MIS12: variants seen among roughly 807,000 people sequenced by gnomAD.
The protein encoded by MIS12 is protein MIS12 homolog.
A neutral mutation model predicts 16.5 loss-of-function variants in MIS12; 13 were observed. The ratio of observed to expected loss-of-function variants is 0.79; its 90% CI spans 0.51 to 1.25. The LOEUF is 1.25. Among genes scored for constraint, MIS12 ranks in the 50% most tolerant of loss-of-function variants. The pLI, the probability that MIS12 is intolerant of heterozygous loss-of-function variation, is 0.00. For missense variants in MIS12, 199 were observed against 239.5 expected (o/e 0.83, Z 1.12); for synonymous variants, 97 against 87.3 (o/e 1.11, Z -0.62).
rs1321155812 is a variant in MIS12, at chr17:5,488,893, C to T, written c.31C>T (p.Gln11Ter). The change falls in exon 3 of 3, where the codon CAG becomes TAG. Residue 11 changes from glutamine to a stop codon, truncating the protein, a stop_gained. Transcript: ENST00000611091. LOFTEE classifies it high-confidence loss of function. MSVDPMTYEA[Q>*]FFGFTPQTCM... ...TGTGGATCCAATGACCTACGAGGCCCAGTTCTTTGGCTTCACGCCACAAAC... is the reference window on the plus strand; with the variant it reads ...TGTGGATCCAATGACCTACGAGGCCTAGTTCTTTGGCTTCACGCCACAAAC... The T allele has an allele frequency of 6.2e-7, 1 of 1,613,986 alleles. No homozygotes were observed. Among genetic ancestry groups the T allele is most frequent in the African/African-American group, 1.3e-5 (1 of 74,906 alleles).
Position 5,489,307 on chromosome 17 carries a change from C to T in MIS12, c.445C>T (p.Gln149Ter), listed in dbSNP as rs1906610132. 6.2e-7 allele frequency: 1 copy of T among 1,613,878 alleles called. No homozygotes were observed. The highest frequency in any genetic ancestry group is 1.7e-5 in the Admixed American group (1 of 59,986). The change falls in exon 3 of 3, where the codon CAG (glutamine) becomes TAG (stop). Residue 149 changes from glutamine (Q) to a stop codon, truncating the protein, a stop_gained. Transcript: ENST00000611091. LOFTEE classifies it high-confidence loss of function. ...AGAATTAGAAGAGCAAAAAATTGTTCAGGCCAAACTCAAACAGACGTTGAC... is the reference window on the plus strand; with the variant it reads ...AGAATTAGAAGAGCAAAAAATTGTTTAGGCCAAACTCAAACAGACGTTGAC... ...LAELEEQKIV[Q>*]AKLKQTLTFF...
intron 1 of MIS12, chr17:5,487,045 AG>A (rs1906392667): frequency 6.6e-6 from 1 of 152,300 alleles, no homozygotes; most frequent in African/African-American, 2.4e-5. Context: ...GAAGTTCATC[AG>A]TCAGTGCCCG....
Position 5,489,631 on chromosome 17 carries a change from G to A in MIS12, c.*151G>A. 4.2e-6 allele frequency: 4 copies of A among 944,146 alleles called. No individual in the cohort carries two copies. The highest frequency in any genetic ancestry group is 4.6e-6 in the Non-Finnish European group (3 of 654,884). The allele number at this position is 944,146 out of a possible 1,614,324, so 58.5% of individuals were successfully genotyped here. A position where few individuals can be genotyped will look rare whatever the true frequency, so the allele number is the denominator to read the frequency against. ...TTGTCAACTCTTTCTTGTATTCTGT[G>A]TTTTCCTCTTTTTTGGTCCACTTTG... is the stretch of plus-strand genomic sequence containing the variant. On this transcript the variant is annotated 3_prime_UTR_variant, in exon 3 of 3. Coordinates refer to ENST00000611091, the MANE Select transcript of MIS12 (RefSeq NM_001258217.2).
At chr17:5,486,981 C>T (rs538145178) in intron 1 of MIS12, 2 of 152,370 alleles carry the variant, frequency 1.3e-5, no homozygotes, top group East Asian at 1.9e-4. Context: ...CTGATCAAGC[C>T]GCATTTATTC....
Position 5,489,615 on chromosome 17 carries a change from C to T in MIS12, c.*135C>T. 1 of 1,037,704 alleles carries T rather than the reference C, an allele frequency of 9.6e-7. No homozygotes were observed. Among genetic ancestry groups the T allele is most frequent in the Non-Finnish European group, 1.4e-6 (1 of 733,964 alleles). The allele number at this position is 1,037,704 out of a possible 1,614,324, so 64.3% of individuals were successfully genotyped here. A position where few individuals can be genotyped will look rare whatever the true frequency, so the allele number is the denominator to read the frequency against. ...TTTTATTAGATTTGCTTTGTCAACT[C>T]TTTCTTGTATTCTGTGTTTTCCTCT... On this transcript the variant is annotated 3_prime_UTR_variant, in exon 3 of 3. Coordinates refer to ENST00000611091, the MANE Select transcript of MIS12 (RefSeq NM_001258217.2).
rs1906681948 is a variant in MIS12, at chr17:5,490,171, A to C, written c.*691A>C. The C allele has an allele frequency of 6.0e-6, 1 of 167,116 alleles. No individual in the cohort carries two copies. Among genetic ancestry groups the C allele is most frequent in the Non-Finnish European group, 1.5e-5 (1 of 68,138 alleles). 10.4% of individuals were successfully genotyped at this position (167,116 alleles called of 1,614,324 possible). On this transcript the variant is annotated 3_prime_UTR_variant, in exon 3 of 3. Coordinates refer to ENST00000611091, the MANE Select transcript of MIS12 (RefSeq NM_001258217.2). Reference sequence around the variant, plus strand: ...TGAATTTTCTTTCATGAGGGAGTCAATATGTAGTGGAAAGAAGCATGTAGC... The same window carrying C: ...TGAATTTTCTTTCATGAGGGAGTCACTATGTAGTGGAAAGAAGCATGTAGC...
At chr17:5,488,782 T>C (rs577444942) in intron 2 of MIS12, 41 bp from the exon 3 acceptor site, 2 of 1,477,486 alleles carry the variant, frequency 1.4e-6, no homozygotes, top group African/African-American at 2.8e-5. Flanking sequence ...TGCAGAAGAT[T>C]TTTTTTTTCC....
Position 5,489,173 on chromosome 17 carries a change from G to A in MIS12, c.311G>A (p.Cys104Tyr), listed in dbSNP as rs112722370. The change falls in exon 3 of 3, where the codon TGT becomes TAT. Residue 104 changes from cysteine (C) to tyrosine (Y), a missense_variant. Physicochemically the swap from Cys to Tyr is radical, Grantham distance 194. Coordinates refer to ENST00000611091, the MANE Select transcript of MIS12 (RefSeq NM_001258217.2). Reference protein sequence around the residue: ...PSNILLPEDKCKETPYSEEDF... With the variant: ...PSNILLPEDKYKETPYSEEDF... ...AACATCTTGCTTCCTGAAGATAAAT[G>A]TAAGGAGACACCTTATAGTGAGGAA... 4 of 1,614,214 alleles carry A rather than the reference G, an allele frequency of 2.5e-6. No homozygotes were observed. The Admixed American group carries it at 6.7e-5, about 27-fold the overall frequency.
Position 5,489,226 on chromosome 17 carries a change from G to C in MIS12, c.364G>C (p.Glu122Gln), listed in dbSNP as rs1454532147. 6.2e-7 allele frequency: 1 copy of C among 1,614,112 alleles called. No homozygotes were observed. Residue 122 changes from glutamate (E) to glutamine (Q), a missense_variant, in exon 3 of 3, where the codon GAA (glutamate) becomes CAA (glutamine). Coordinates refer to ENST00000611091, the MANE Select transcript of MIS12 (RefSeq NM_001258217.2). ...EDFQHLQKEI[E>Q]QLQEKYKTEL... is the part of the protein sequence containing the mutation. ...TTTTCAGCATCTCCAGAAAGAAATT[G>C]AACAGTTACAGGAGAAGTACAAGAC... is the stretch of plus-strand genomic sequence containing the variant.
Position 5,489,548 on chromosome 17 carries a change from A to T in MIS12, c.*68A>T. On this transcript the variant is annotated 3_prime_UTR_variant, in exon 3 of 3. Transcript: ENST00000611091. Reference sequence around the variant, plus strand: ...CATAAGGACTGTTCAAACCATAAGGACTGTTCAAATCATACCAGTGACTGT... The same window carrying T: ...CATAAGGACTGTTCAAACCATAAGGTCTGTTCAAATCATACCAGTGACTGT... 6.7e-7 allele frequency: 1 copy of T among 1,482,466 alleles called. No homozygotes were observed. Among genetic ancestry groups the T allele is most frequent in the Non-Finnish European group, 9.0e-7 (1 of 1,106,304 alleles). 91.8% of individuals were successfully genotyped at this position (1,482,466 alleles called of 1,614,324 possible).
chr17:5,487,870 C>T (rs537885202), intron 1 of MIS12, among the ~76,000 whole-genome samples: 1 of 152,276 alleles, frequency 6.6e-6, no homozygotes, highest in Non-Finnish European at 1.5e-5. Context: ...ATCTTATCTT[C>T]CCATAAGATT....
At chr17:5,486,421 G>C (rs1906322616), upstream of MIS12, 2 of 437,018 alleles carry the variant, frequency 4.6e-6, no homozygotes, top group Admixed American at 3.8e-5. Flanking sequence ...GGAAAAACGA[G>C]TAAGTACAGG....
rs1212397846 is a variant in MIS12, at chr17:5,490,537, A to T, written c.*1057A>T. The T allele has an allele frequency of 6.0e-6, 1 of 167,110 alleles. No individual in the cohort carries two copies. Among genetic ancestry groups the T allele is most frequent in the Non-Finnish European group, 1.5e-5 (1 of 68,120 alleles). The allele number at this position is 167,110 out of a possible 1,614,324, so 10.4% of individuals were successfully genotyped here. A position where few individuals can be genotyped will look rare whatever the true frequency, so the allele number is the denominator to read the frequency against. ...GAAATTTGTGTTTAAACTCAATGGA[A>T]TCTAATATTTCTTTATGTCGTTAGT... On this transcript the variant is annotated 3_prime_UTR_variant, in exon 3 of 3. Coordinates refer to ENST00000611091, the MANE Select transcript of MIS12 (RefSeq NM_001258217.2).
chr17:5,489,551 G>T lies in MIS12; in HGVS notation c.*71G>T. 6.9e-7 allele frequency: 1 copy of T among 1,457,492 alleles called. No individual in the cohort carries two copies. Among genetic ancestry groups the T allele is most frequent in the Non-Finnish European group, 9.2e-7 (1 of 1,087,150 alleles). 90.3% of individuals were successfully genotyped at this position (1,457,492 alleles called of 1,614,324 possible). On this transcript the variant is annotated 3_prime_UTR_variant, in exon 3 of 3. Transcript: ENST00000611091. ...AAGGACTGTTCAAACCATAAGGACT[G>T]TTCAAATCATACCAGTGACTGTTCA...
chr17:5,489,588 CT>C lies in MIS12; in HGVS notation c.*113del. The C allele has an allele frequency of 8.1e-7, 1 of 1,228,826 alleles. No homozygotes were observed. Among genetic ancestry groups the C allele is most frequent in the Non-Finnish European group, 1.1e-6 (1 of 899,492 alleles). 76.1% of individuals were successfully genotyped at this position (1,228,826 alleles called of 1,614,324 possible). ...CCAGTGACTGTTCAAACCAACCATA[CT>C]TTTTATTAGATTTGCTTTGTCAACT... On this transcript the variant is annotated 3_prime_UTR_variant, in exon 3 of 3. Transcript: ENST00000611091.
upstream of MIS12, chr17:5,486,493 A>C: frequency 9.5e-5 from 20 of 210,640 alleles, no homozygotes; most frequent in East Asian, 3.6e-4. Flanking sequence ...TTCTGTCATA[A>C]TTGAGGTGTC....
At chr17:5,487,239 G>C (rs957199677) in intron 1 of MIS12, 1 of 152,120 alleles carries the variant, frequency 6.6e-6, no homozygotes, top group Non-Finnish European at 1.5e-5. Context: ...ACTCCAGCCT[G>C]GGCGAAAGAG....
In MIS12 at chr17:5,488,979, T is replaced by G. The variant is rs540648674; in HGVS notation, c.117T>G (p.Val39=). Reference sequence around the variant, plus strand: ...ACCTATTTGAAGTGATGCAGGCCGTTGAACAGGTTATTCTGAAGAAGCTGG... The same window carrying G: ...ACCTATTTGAAGTGATGCAGGCCGTGGAACAGGTTATTCTGAAGAAGCTGG... ...QDYLFEVMQA[V]EQVILKKLDG... The change falls in exon 3 of 3, where the codon GTT becomes GTG. Residue 39 remains valine, a synonymous_variant. Transcript: ENST00000611091. The G allele has an allele frequency of 6.2e-7, 1 of 1,614,238 alleles. No individual in the cohort carries two copies. The highest frequency in any genetic ancestry group is 1.7e-5 in the Admixed American group (1 of 60,028).
At position 5,488,850 on chromosome 17, in the gene MIS12, A is replaced by G. The variant is rs761521643; in HGVS notation, c.-13A>G. ...TTTTCACGACTGAAAACAACATAGC[A>G]AAATAAGCCAAGATGTCTGTGGATC... On this transcript the variant is annotated 5_prime_UTR_variant, in exon 3 of 3. Transcript: ENST00000611091. 21 of 1,595,006 alleles carry G rather than the reference A, an allele frequency of 1.3e-5. No individual in the cohort carries two copies. The highest frequency in any genetic ancestry group is 1.8e-5 in the Non-Finnish European group (21 of 1,169,292).
Sources: gnomAD v4.1 joint callset for allele counts (sites outside exome capture counted in the v4.1 genomes callset) on GRCh38, gnomAD v4.1.1 for gene constraint, MANE v1.5 for transcripts, NCBI Gene and HGNC (gene_info 2026-07-23, HGNC 2026-07-21) for gene names.